Variants in WTAP observed in about 807,000 individuals in gnomAD.
The protein encoded by WTAP is pre-mRNA-splicing regulator WTAP.
Under a neutral mutation model 50.0 loss-of-function variants are expected in WTAP, and 8 were observed. The observed-to-expected ratio is 0.16, with a 90% CI of 0.09 to 0.29. The LOEUF (loss-of-function observed/expected upper bound fraction) is 0.29, where lower values mean the gene tolerates loss of function less well. WTAP is among the 10% of genes least tolerant of loss of function. The pLI is 1.00. For synonymous variants in WTAP, 194 were observed against 169.0 expected, an observed-to-expected ratio of 1.15 and a Z score of -1.15; for missense variants, 295 against 470.7, an observed-to-expected ratio of 0.63 and a Z score of 3.45.
Position 159,756,176 on chromosome 6 carries a change from G to A in WTAP, c.*565G>A, listed in dbSNP as rs1780007180. The A allele has an allele frequency of 6.5e-6, 1 of 152,676 alleles. No individual in the cohort carries two copies. Among genetic ancestry groups the A allele is most frequent in the Non-Finnish European group, 1.5e-5 (1 of 68,192 alleles). The allele number at this position is 152,676 out of a possible 1,614,324, so 9.5% of individuals were successfully genotyped here. On this transcript the variant is annotated 3_prime_UTR_variant, in exon 8 of 8. Coordinates refer to ENST00000621533, the MANE Select transcript of WTAP (RefSeq NM_001270531.2). ...CATACATCTGTGCATTTTCTCTTTA[G>A]GTGACTGTTTAAGAAATTTGTGTGC...
In WTAP at chr6:159,755,585, G is replaced by A. The variant is rs1171624081; in HGVS notation, c.1165G>A (p.Val389Ile). 1.2e-6 allele frequency: 2 copies of A among 1,612,802 alleles called. No homozygotes were observed. The highest frequency in any genetic ancestry group is 2.2e-5 in the East Asian group (1 of 44,886). Residue 389 changes from valine to isoleucine, a missense_variant, in exon 8 of 8, where the codon GTA becomes ATA. Coordinates refer to ENST00000621533, the MANE Select transcript of WTAP (RefSeq NM_001270531.2). ...CGTTCAGAATGGCTTGGACTCAAGT[G>A]TAAATGTACAGGGTTCAGTTTTGTA... ...RHVQNGLDSS[V>I]NVQGSVL
intron 1 of WTAP, among the ~76,000 whole-genome samples, chr6:159,733,662 C>T (rs1378275538): frequency 6.6e-6 from 1 of 151,690 alleles, no homozygotes; most frequent in Admixed American, 6.6e-5. Flanking sequence ...TGCCTGTAGT[C>T]CCAGCACTTG....
In WTAP at chr6:159,755,425, G is replaced by A. The variant is rs148398445; in HGVS notation, c.1005G>A (p.Gly335=). The part of the protein sequence containing the change: ...GSGYVNQLSA[G]YESVDSPTGS... ...GTTACGTAAATCAACTCAGTGCGGGGTATGAAAGTGTAGACTCTCCCACGG... is the reference window on the plus strand; with the variant it reads ...GTTACGTAAATCAACTCAGTGCGGGATATGAAAGTGTAGACTCTCCCACGG... Residue 335 remains glycine (G), a synonymous_variant, in exon 8 of 8, where the codon GGG becomes GGA. Transcript: ENST00000621533. The A allele has an allele frequency of 8.7e-6, 14 of 1,614,054 alleles. No homozygotes were observed. The highest frequency in any genetic ancestry group is 2.7e-5 in the African/African-American group (2 of 74,894).
chr6:159,744,449 A>G (rs1583093511), intron 5 of WTAP, among the ~76,000 whole-genome samples: 1 of 152,152 alleles, frequency 6.6e-6, no homozygotes, highest in African/African-American at 2.4e-5. Context: ...TACATATAGA[A>G]GTCTTCTTAT....
intron 1 of WTAP, among the ~76,000 whole-genome samples, chr6:159,730,348 T>C (rs1778491393): frequency 6.6e-6 from 1 of 152,228 alleles, no homozygotes; most frequent in Non-Finnish European, 1.5e-5. Context: ...GTTTTTCTGA[T>C]ACGAGAATAG....
chr6:159,726,698 C>A (rs1157434176), upstream of WTAP: 9 of 1,169,038 alleles, frequency 7.7e-6, no homozygotes, highest in Non-Finnish European at 1.0e-5. Context: ...GGGCCCTCAA[C>A]GCCGCGGACA....
At position 159,755,765 on chromosome 6, in the gene WTAP, C is replaced by CTTTTTTTTTTTTTT; in HGVS notation, c.*166_*179dup. On this transcript the variant is annotated 3_prime_UTR_variant, in exon 8 of 8. Coordinates refer to ENST00000621533, the MANE Select transcript of WTAP (RefSeq NM_001270531.2). ...TTTTTCTTTGTTTTTTTTTTCTTTT[C>CTTTTTTTTTTTTTT]TTTTTTTTTTTTTTTTTTTTTTTTT... 2.1e-4 allele frequency: 36 copies of CTTTTTTTTTTTTTT among 173,382 alleles called. No homozygotes were observed. Among genetic ancestry groups the CTTTTTTTTTTTTTT allele is most frequent in the Admixed American group, 9.8e-4 (3 of 3,072 alleles). The allele number at this position is 173,382 out of a possible 1,614,324, so 10.7% of individuals were successfully genotyped here. A position where few individuals can be genotyped will look rare whatever the true frequency, so the allele number is the denominator to read the frequency against.
At chr6:159,731,349 T>C (rs1043908484) in intron 1 of WTAP, among the ~76,000 whole-genome samples, 4 of 151,526 alleles carry the variant, frequency 2.6e-5, no homozygotes, top group African/African-American at 9.7e-5. Context: ...ATGCCTGTGA[T>C]CCCAGCTACA....
In WTAP at chr6:159,755,848, A is replaced by G. The variant is rs1344195753; in HGVS notation, c.*237A>G. 3 of 624,622 alleles carry G rather than the reference A, an allele frequency of 4.8e-6. No homozygotes were observed. The African/African-American group carries it at 6.7e-5, about 14-fold the overall frequency. 38.7% of individuals were successfully genotyped at this position (624,622 alleles called of 1,614,324 possible). On this transcript the variant is annotated 3_prime_UTR_variant, in exon 8 of 8. Transcript: ENST00000621533. Reference sequence around the variant, plus strand: ...ACAGTTAATTACTTTGAATGTTGCTAAAAGGACATTTTGTGTAGGGTCAAG... The same window carrying G: ...ACAGTTAATTACTTTGAATGTTGCTGAAAGGACATTTTGTGTAGGGTCAAG...
At position 159,728,935 on chromosome 6, in the gene WTAP, G is replaced by A. The variant is rs1346452319; in HGVS notation, c.-9+1232G>A. Among the ~76,000 whole-genome samples, 5 of 152,326 alleles carry A rather than the reference G, an allele frequency of 3.3e-5. No individual in the cohort carries two copies. The East Asian group carries it at 9.6e-4, about 29-fold the overall frequency. ...AATTGCTAACTCCTAAAGGATAAAA[G>A]TAATAATAATAGTGTGTCCCAGGCA... On this transcript the variant is annotated intron_variant, in intron 1 of 7. Coordinates refer to ENST00000621533, the MANE Select transcript of WTAP (RefSeq NM_001270531.2).
chr6:159,739,996 G>A (rs563625503), intron 3 of WTAP, among the ~76,000 whole-genome samples: 4 of 150,810 alleles, frequency 2.7e-5, no homozygotes, highest in South Asian at 2.1e-4. Flanking sequence ...TCAATGCTGG[G>A]TTTTTTTTTG....
intron 4 of WTAP, among the ~76,000 whole-genome samples, chr6:159,742,810 C>A (rs1241904330): frequency 6.6e-6 from 1 of 151,908 alleles, no homozygotes; most frequent in African/African-American, 2.4e-5. Flanking sequence ...AATCCCAGCA[C>A]TTTGGGAGGC....
chr6:159,743,097 G>A (rs1779360883), intron 4 of WTAP, among the ~76,000 whole-genome samples: 2 of 152,214 alleles, frequency 1.3e-5, no homozygotes, highest in African/African-American at 4.8e-5. Context: ...GCCCAGGCTG[G>A]AGTGCAGTGG....
intron 5 of WTAP, among the ~76,000 whole-genome samples, chr6:159,747,006 G>A (rs1039068812): frequency 5.3e-5 from 8 of 152,072 alleles, no homozygotes; most frequent in African/African-American, 1.7e-4. Context: ...TTAGCAGCTG[G>A]CTTCACATTG....
intron 1 of WTAP, among the ~76,000 whole-genome samples, chr6:159,730,545 AT>A (rs1207524540): frequency 4.6e-5 from 7 of 152,236 alleles, no homozygotes; most frequent in African/African-American, 9.6e-5. Flanking sequence ...AAATAGTTGA[AT>A]GTTGTAGACA....
chr6:159,727,097 G>T, upstream of WTAP: 6 of 1,194,582 alleles, frequency 5.0e-6, no homozygotes, highest in Non-Finnish European at 6.4e-6. Flanking sequence ...CGACCTCGCT[G>T]GCCCGCCCCT....
At chr6:159,741,420 TAAAG>T (rs763513271) in intron 3 of WTAP, among the ~76,000 whole-genome samples, 5 of 152,180 alleles carry the variant, frequency 3.3e-5, no homozygotes, top group African/African-American at 7.2e-5. Flanking sequence ...AGAGCCAAGA[TAAAG>T]AACCTTCAAT....
At chr6:159,733,210 T>C (rs765085651) in intron 1 of WTAP, among the ~76,000 whole-genome samples, 8 of 152,138 alleles carry the variant, frequency 5.3e-5, no homozygotes, top group Non-Finnish European at 8.8e-5. Flanking sequence ...CATAGTAATA[T>C]GGTTTATGTC....
chr6:159,744,121 T>C (rs546281463), intron 5 of WTAP, among the ~76,000 whole-genome samples: 1 of 152,366 alleles, frequency 6.6e-6, no homozygotes, highest in Non-Finnish European at 1.5e-5. Flanking sequence ...TTGCTTTACT[T>C]TCACTGATTA....
Sources: allele counts gnomAD v4.1 joint callset (sites outside exome capture counted in the v4.1 genomes callset), GRCh38; gene constraint gnomAD v4.1.1; transcripts MANE v1.5; gene names NCBI Gene and HGNC (gene_info 2026-07-23, HGNC 2026-07-21).